ATP9B: variants seen among roughly 807,000 people sequenced by gnomAD.
ATP9B encodes ATPase phospholipid transporting 9B.
In ATP9B, 110 loss-of-function variants were observed where a neutral mutation model predicts 146.1. The ratio of observed to expected loss-of-function variants is 0.75; its 90% CI spans 0.65 to 0.88. The LOEUF (loss-of-function observed/expected upper bound fraction) is 0.88, where lower values mean the gene tolerates loss of function less well. ATP9B is among the 40% of genes least tolerant of loss of function. The probability of loss-of-function intolerance (pLI) is 0.00; values close to 1 mark genes in which losing one functional copy is unlikely to be tolerated. For missense variants in ATP9B, 1,499 were observed against 1,496.4 expected (o/e 1.00, Z -0.03); for synonymous variants, 604 against 569.7 (o/e 1.06, Z -0.86).
intron 13 of ATP9B, among the ~76,000 whole-genome samples, chr18:79,289,269 G>A (rs7232760): frequency 0.44 from 66,347 of 151,576 alleles, 14,660 homozygotes; most frequent in Middle Eastern, 0.55. Context: ...ACGGAGATTT[G>A]GTCTTTTCAC....
chr18:79,279,042 A>G (rs2145787028), intron 13 of ATP9B, among the ~76,000 whole-genome samples: 1 of 152,300 alleles, frequency 6.6e-6, no homozygotes, highest in Non-Finnish European at 1.5e-5. Context: ...CTAGGGGTGG[A>G]CGAGCCCCAG....
chr18:79,226,726 AAAT>A (rs1278834143), intron 11 of ATP9B, among the ~76,000 whole-genome samples: 3 of 152,226 alleles, frequency 2.0e-5, no homozygotes, highest in Non-Finnish European at 4.4e-5. Flanking sequence ...ACTCAAATGA[AAAT>A]AACACACAGT....
intron 21 of ATP9B, 102 bp from the exon 22 acceptor site, chr18:79,345,326 G>A (rs1439961995): frequency 2.9e-5 from 39 of 1,322,268 alleles, no homozygotes; most frequent in South Asian, 5.4e-5. Flanking sequence ...GAACTGTGGC[G>A]TCTGTTGGCT....
At chr18:79,365,527 T>G (rs2097021354) in intron 26 of ATP9B, among the ~76,000 whole-genome samples, 1 of 152,264 alleles carries the variant, frequency 6.6e-6, no homozygotes, top group Non-Finnish European at 1.5e-5. Flanking sequence ...AAATGAAAAC[T>G]TAGATTCATA....
intron 15 of ATP9B, among the ~76,000 whole-genome samples, chr18:79,320,611 T>C (rs532841156): frequency 1.3e-5 from 2 of 152,316 alleles, no homozygotes; most frequent in African/African-American, 4.8e-5. Context: ...TTGGACAGCT[T>C]GATTCTGAAG....
intron 4 of ATP9B, among the ~76,000 whole-genome samples, chr18:79,118,366 A>T (rs1298604611): frequency 6.6e-6 from 1 of 150,996 alleles, no homozygotes; most frequent in Admixed American, 6.6e-5. Flanking sequence ...CTCATTTTAA[A>T]ACACAATCAT....
intron 15 of ATP9B, among the ~76,000 whole-genome samples, chr18:79,308,823 G>T (rs1345901691): frequency 7.3e-5 from 9 of 123,522 alleles, no homozygotes; most frequent in African/African-American, 3.1e-4. Flanking sequence ...AGAGGCTGAG[G>T]AGTGATCCCC....
chr18:79,297,268 A>G (rs1568607917), intron 13 of ATP9B, among the ~76,000 whole-genome samples: 1 of 150,228 alleles, frequency 6.7e-6, no homozygotes, highest in Non-Finnish European at 1.5e-5. Context: ...GAGAGAAGAC[A>G]GAGAGATGAC....
intron 15 of ATP9B, among the ~76,000 whole-genome samples, chr18:79,323,824 G>C (rs571501947): frequency 8.5e-4 from 129 of 152,156 alleles, no homozygotes; most frequent in Non-Finnish European, 1.5e-3. Context: ...ATATTCCCAG[G>C]CGTGGGATTG....
intron 11 of ATP9B, among the ~76,000 whole-genome samples, chr18:79,232,149 A>G (rs2148586546): frequency 6.6e-6 from 1 of 152,232 alleles, no homozygotes; most frequent in Non-Finnish European, 1.5e-5. Flanking sequence ...GGGGGAAGGA[A>G]TTCTTTCACT....
chr18:79,276,164 A>G (rs893231125), intron 12 of ATP9B, among the ~76,000 whole-genome samples: 2 of 152,214 alleles, frequency 1.3e-5, no homozygotes, highest in African/African-American at 4.8e-5. Flanking sequence ...CTGCGCTGCC[A>G]GCAGCCGCAT....
In ATP9B at chr18:79,118,390, GTTTTTTTTTTT is replaced by G. The variant is rs752788043; in HGVS notation, c.558+5054_558+5064del. Reference sequence around the variant, plus strand: ...AAACACAATCATATTGAACGTTTTTGTTTTTTTTTTTTTTTTTTTTTTTTTTTTGAGACAGA... The same window carrying G: ...AAACACAATCATATTGAACGTTTTTGTTTTTTTTTTTTTTTTTGAGACAGA... On this transcript the variant is annotated intron_variant, in intron 4 of 29. Transcript: ENST00000426216. Among the ~76,000 whole-genome samples the G allele has an allele frequency of 1.2e-3, 108 of 93,280 alleles. 1 individual carries two copies. In the South Asian group the frequency reaches 0.026, roughly 22 times the overall value. 61.2% of individuals were successfully genotyped at this position (93,280 alleles called of 152,430 possible).
intron 9 of ATP9B, among the ~76,000 whole-genome samples, chr18:79,200,716 G>C (rs944645259): frequency 1.3e-5 from 2 of 152,204 alleles, no homozygotes; most frequent in Non-Finnish European, 2.9e-5. Context: ...CAGAGCAGAG[G>C]TGGAGGTGGG....
In ATP9B at chr18:79,348,116, T is replaced by C. The variant is rs1164323269; in HGVS notation, c.2839-16T>C. The C allele has an allele frequency of 1.2e-6, 2 of 1,613,820 alleles. No individual in the cohort carries two copies. Among genetic ancestry groups the C allele is most frequent in the Non-Finnish European group, 1.7e-6 (2 of 1,179,954 alleles). The stretch of plus-strand genomic sequence containing the variant: ...TGGAACTGACAGTTGTCTTCGTCTG[T>C]GGGCTCTCTCTCCAGGCTGTGTTTT... On this transcript the variant is annotated splice_polypyrimidine_tract_variant and intron_variant, in intron 24 of 29. Transcript: ENST00000426216.
chr18:79,102,744 A>G (rs1297730090), intron 2 of ATP9B, among the ~76,000 whole-genome samples: 3 of 152,224 alleles, frequency 2.0e-5, no homozygotes, highest in Middle Eastern at 6.8e-3. Context: ...CATGTTTCCT[A>G]TGTTGAGTCT....
At chr18:79,375,101 C>T (rs894914040) in intron 28 of ATP9B, among the ~76,000 whole-genome samples, 1 of 152,230 alleles carries the variant, frequency 6.6e-6, no homozygotes, top group Non-Finnish European at 1.5e-5. Flanking sequence ...CCAGCGCGTG[C>T]GCCTTCTGTG....
chr18:79,229,431 T>G (rs1312467593), intron 11 of ATP9B, among the ~76,000 whole-genome samples: 1 of 152,234 alleles, frequency 6.6e-6, no homozygotes, highest in Non-Finnish European at 1.5e-5. Context: ...TTTCATAGCC[T>G]TAAGACAGAG....
At chr18:79,232,595 T>C (rs1035193432) in intron 11 of ATP9B, among the ~76,000 whole-genome samples, 1 of 152,108 alleles carries the variant, frequency 6.6e-6, no homozygotes, top group East Asian at 1.9e-4. Flanking sequence ...CAAGATATGC[T>C]AAAAGGTGGG....
At chr18:79,330,612 A>T (rs557793983) in intron 17 of ATP9B, among the ~76,000 whole-genome samples, 1 of 152,248 alleles carries the variant, frequency 6.6e-6, no homozygotes, top group African/African-American at 2.4e-5. Context: ...ACAGGGTTTC[A>T]CCATGTTAGC....
Sources: gnomAD v4.1 joint callset for allele counts (sites outside exome capture counted in the v4.1 genomes callset) on GRCh38, gnomAD v4.1.1 for gene constraint, MANE v1.5 for transcripts, NCBI Gene and HGNC (gene_info 2026-07-23, HGNC 2026-07-21) for gene names.